Variants in METTL24 observed in about 807,000 individuals in gnomAD.
METTL24 encodes probable methyltransferase-like protein 24.
A neutral mutation model predicts 32.7 loss-of-function variants in METTL24; 29 were observed. The observed-to-expected ratio is 0.89, with a 90% confidence interval of 0.66 to 1.21. The LOEUF is 1.21. Ranked by LOEUF, METTL24 falls within the 50% of genes most tolerant of loss-of-function variation. METTL24 has a pLI of 0.00. For synonymous variants in METTL24, 163 were observed against 179.5 expected, an observed-to-expected ratio of 0.91 and a Z score of 0.73; for missense variants, 439 against 468.1, an observed-to-expected ratio of 0.94 and a Z score of 0.57.
intron 4 of METTL24, among the ~76,000 whole-genome samples, chr6:110,261,279 C>G (rs1219901440): frequency 6.6e-6 from 1 of 151,522 alleles, no homozygotes; most frequent in African/African-American, 2.4e-5. Flanking sequence ...GAAGATCCAC[C>G]AAGCAAATGG....
At chr6:110,259,531 C>T (rs965715592) in intron 4 of METTL24, among the ~76,000 whole-genome samples, 19 of 152,248 alleles carry the variant, frequency 1.2e-4, no homozygotes, top group Admixed American at 1.0e-3. Flanking sequence ...GTGGACTCCA[C>T]CTCTGGGGGC....
intron 3 of METTL24, among the ~76,000 whole-genome samples, chr6:110,303,985 T>C (rs543062505): frequency 2.0e-5 from 3 of 152,318 alleles, no homozygotes; most frequent in African/African-American, 7.2e-5. Flanking sequence ...CAGCAATCTT[T>C]GCTGTTCTGC....
intron 4 of METTL24, among the ~76,000 whole-genome samples, chr6:110,274,044 T>C (rs947493275): frequency 3.3e-5 from 5 of 152,212 alleles, no homozygotes; most frequent in African/African-American, 1.2e-4. Context: ...TATTCAACCA[T>C]AAAAAGGAAC....
At chr6:110,276,438 G>T (rs1009230328) in intron 4 of METTL24, among the ~76,000 whole-genome samples, 38 of 152,164 alleles carry the variant, frequency 2.5e-4, no homozygotes, top group Admixed American at 8.5e-4. Context: ...GTGAAAGAGT[G>T]AGGCTGTGTC....
chr6:110,346,044 T>C (rs1024144247), intron 1 of METTL24, among the ~76,000 whole-genome samples: 3 of 152,234 alleles, frequency 2.0e-5, no homozygotes, highest in African/African-American at 7.2e-5. Flanking sequence ...ATAAGCTACA[T>C]GTGGTTCTCA....
chr6:110,291,964 G>C (rs1771329167), intron 4 of METTL24, among the ~76,000 whole-genome samples: 3 of 152,102 alleles, frequency 2.0e-5, no homozygotes, highest in Admixed American at 6.6e-5. Context: ...CTCTAACTTT[G>C]TTCTTTGTTT....
At chr6:110,334,781 T>C (rs1449078488) in intron 1 of METTL24, among the ~76,000 whole-genome samples, 1 of 152,246 alleles carries the variant, frequency 6.6e-6, no homozygotes, top group Non-Finnish European at 1.5e-5. Flanking sequence ...TTTTGTCATT[T>C]TCATATTGTT....
In METTL24 at chr6:110,299,042, G is replaced by A. The variant is rs747456793; in HGVS notation, c.666C>T (p.His222=). Residue 222 remains histidine (H), a synonymous_variant, in exon 4 of 5, where the codon CAC becomes CAT. Coordinates refer to ENST00000338882, the MANE Select transcript of METTL24 (RefSeq NM_001123364.3). ...CAATGGACAAGCGGTGATACCAAAG[G>A]TGCTGACTCTCCAGAATGTGAGCTG... The part of the protein sequence containing the change: ...VKSAHILESQ[H]LWYHRLSIDW... 1 of 1,614,040 alleles carries A rather than the reference G, an allele frequency of 6.2e-7. No homozygotes were observed. The highest frequency in any genetic ancestry group is 1.7e-5 in the Admixed American group (1 of 59,998).
chr6:110,356,128 A>G (rs1772692245), intron 1 of METTL24, among the ~76,000 whole-genome samples: 1 of 152,150 alleles, frequency 6.6e-6, no homozygotes, highest in Non-Finnish European at 1.5e-5. Flanking sequence ...AGGGGAATAA[A>G]AGAAGCCCCA....
chr6:110,344,856 G>A (rs1772438506), intron 1 of METTL24, among the ~76,000 whole-genome samples: 1 of 152,140 alleles, frequency 6.6e-6, no homozygotes, highest in Non-Finnish European at 1.5e-5. Flanking sequence ...ATACTATCCT[G>A]GACACAGGAA....
intron 3 of METTL24, among the ~76,000 whole-genome samples, chr6:110,311,440 A>ATTTTCTTTTC (rs143344489): frequency 9.1e-6 from 1 of 109,878 alleles, no homozygotes; most frequent in African/African-American, 3.2e-5. Flanking sequence ...TACAAAGTTG[A>ATTTTCTTTTC]TTTTCTTTTC....
In METTL24 at chr6:110,253,068, G is replaced by A. The variant is rs375209693; in HGVS notation, c.787-6808C>T. On this transcript the variant is annotated intron_variant, in intron 4 of 4. Coordinates refer to ENST00000338882, the MANE Select transcript of METTL24 (RefSeq NM_001123364.3). ...TCTAAGTGGCGTTCAAGCGTAGGCC[G>A]TAAAGGGTGATGCAGCTTCTACTTT... 6.6e-5 allele frequency among the ~76,000 whole-genome samples: 10 copies of A among 152,206 alleles called. 1 individual carries two copies. Among genetic ancestry groups the A allele is most frequent in the South Asian group, 4.1e-4 (2 of 4,834 alleles).
At chr6:110,269,095 G>A (rs1471385395) in intron 4 of METTL24, among the ~76,000 whole-genome samples, 4 of 152,084 alleles carry the variant, frequency 2.6e-5, no homozygotes, top group Non-Finnish European at 5.9e-5. Context: ...CCATTCCTTA[G>A]GAAGGGACAG....
intron 1 of METTL24, among the ~76,000 whole-genome samples, chr6:110,346,036 A>G (rs1772466250): frequency 6.6e-6 from 1 of 152,242 alleles, no homozygotes; most frequent in Non-Finnish European, 1.5e-5. Context: ...GGCCATACAT[A>G]AGCTACATGT....
intron 1 of METTL24, among the ~76,000 whole-genome samples, chr6:110,335,662 A>C (rs780553321): frequency 6.7e-6 from 1 of 149,578 alleles, no homozygotes; most frequent in East Asian, 2.0e-4. Context: ...CCTGGACTCA[A>C]GTAATACTCC....
At chr6:110,320,403 G>T (rs938047535) in intron 2 of METTL24, among the ~76,000 whole-genome samples, 1 of 152,134 alleles carries the variant, frequency 6.6e-6, no homozygotes, top group Non-Finnish European at 1.5e-5. Context: ...ACATACGGAG[G>T]GGGAGGGAGC....
intron 1 of METTL24, among the ~76,000 whole-genome samples, chr6:110,350,871 C>T (rs987999086): frequency 1.3e-5 from 2 of 151,954 alleles, no homozygotes; most frequent in Non-Finnish European, 2.9e-5. Flanking sequence ...CACTTTGAGA[C>T]GCTGAGGCAG....
chr6:110,319,588 T>C (rs1489358221), intron 2 of METTL24, among the ~76,000 whole-genome samples: 3 of 152,186 alleles, frequency 2.0e-5, no homozygotes, highest in Non-Finnish European at 4.4e-5. Flanking sequence ...GGGGTTGCCA[T>C]GAAAAGCTGA....
intron 4 of METTL24, among the ~76,000 whole-genome samples, chr6:110,276,243 G>C (rs1007895297): frequency 6.6e-6 from 1 of 152,006 alleles, no homozygotes; most frequent in African/African-American, 2.4e-5. Context: ...GACCAGCCTG[G>C]GCAATACAGT....
Sources: allele counts gnomAD v4.1 joint callset (sites outside exome capture counted in the v4.1 genomes callset), GRCh38; gene constraint gnomAD v4.1.1; transcripts MANE v1.5; gene names NCBI Gene and HGNC (gene_info 2026-07-23, HGNC 2026-07-21).